TMEM267: variants seen among roughly 807,000 people sequenced by gnomAD.
The protein encoded by TMEM267 is transmembrane protein 267.
TMEM267 carries 20 observed loss-of-function variants against 19.3 expected under a neutral mutation model. That is an observed-to-expected ratio of 1.04 (90% confidence interval 0.73 to 1.51). The LOEUF (loss-of-function observed/expected upper bound fraction) is 1.51. Among genes scored for constraint, TMEM267 ranks in the 40% most tolerant of loss-of-function variants. TMEM267 has a pLI of 0.00. For missense variants in TMEM267, 242 were observed against 261.9 expected (o/e 0.92, Z 0.52); for synonymous variants, 88 against 90.3 (o/e 0.97, Z 0.15).
chr5:43,469,661 G>T (rs1217763290), intron 1 of TMEM267, among the ~76,000 whole-genome samples: 13 of 152,182 alleles, frequency 8.5e-5, no homozygotes, highest in Non-Finnish European at 2.9e-5. Flanking sequence ...ATCATACTGT[G>T]AAAGGAAAAT....
chr5:43,476,607 A>C (rs555882005), intron 1 of TMEM267, among the ~76,000 whole-genome samples: 1,788 of 149,452 alleles, frequency 0.012, 36 homozygotes, highest in African/African-American at 0.043. Flanking sequence ...AATTTTAATC[A>C]AAATCATAAA....
At chr5:43,449,652 TCCC>T (rs1382249810) in intron 2 of TMEM267, among the ~76,000 whole-genome samples, 19 of 152,132 alleles carry the variant, frequency 1.2e-4, no homozygotes, top group Non-Finnish European at 2.2e-4. Context: ...ATTGGATTTC[TCCC>T]CCCAACAAAA....
At chr5:43,475,060 A>T (rs1244089049) in intron 1 of TMEM267, among the ~76,000 whole-genome samples, 1 of 152,224 alleles carries the variant, frequency 6.6e-6, no homozygotes, top group Non-Finnish European at 1.5e-5. Flanking sequence ...TCATTCTACT[A>T]TAAAGACTCA....
intron 1 of TMEM267, among the ~76,000 whole-genome samples, chr5:43,466,374 A>C (rs995173797): frequency 5.9e-5 from 9 of 152,202 alleles, no homozygotes; most frequent in African/African-American, 1.2e-4. Context: ...AGGAAAAAAA[A>C]CTTTTATCTT....
chr5:43,482,935 G>GT (rs1744876861), intron 1 of TMEM267, among the ~76,000 whole-genome samples: 2 of 144,756 alleles, frequency 1.4e-5, no homozygotes, highest in South Asian at 4.5e-4. Flanking sequence ...CATTCTCTAA[G>GT]TAAGTGTCAT....
rs528424536 is a variant in TMEM267, at chr5:43,471,413, A to C, written c.-75+12409T>G. On this transcript the variant is annotated intron_variant, in intron 1 of 2. Transcript: ENST00000397080. ...CAATCCCTATCAAAATACTAATGAC[A>C]TTCTTCACAGAAACAGAAAAAAAAA... 2.6e-5 allele frequency among the ~76,000 whole-genome samples: 4 copies of C among 152,100 alleles called. No individual in the cohort carries two copies. The East Asian group carries it at 7.7e-4, about 29-fold the overall frequency.
chr5:43,447,538 C>G (rs978388127), intron 2 of TMEM267, among the ~76,000 whole-genome samples: 2 of 152,064 alleles, frequency 1.3e-5, no homozygotes, highest in African/African-American at 4.8e-5. Context: ...AATCCCTAAA[C>G]AAAAATAAAG....
chr5:43,464,571 G>T (rs1341976308), intron 1 of TMEM267, among the ~76,000 whole-genome samples: 2 of 152,266 alleles, frequency 1.3e-5, no homozygotes, highest in African/African-American at 2.4e-5. Context: ...CAAGGCTACA[G>T]TAACCAAAAC....
At chr5:43,480,883 A>T (rs1744720796) in intron 1 of TMEM267, among the ~76,000 whole-genome samples, 2 of 142,226 alleles carry the variant, frequency 1.4e-5, no homozygotes, top group Admixed American at 1.5e-4. Flanking sequence ...GCTCACTGCA[A>T]GCTCTGCCTC....
At chr5:43,456,920 C>T (rs1006825623) in intron 1 of TMEM267, among the ~76,000 whole-genome samples, 5 of 152,174 alleles carry the variant, frequency 3.3e-5, no homozygotes, top group African/African-American at 1.2e-4. Context: ...CTTATGTGTA[C>T]ACAAAGGCTT....
intron 1 of TMEM267, among the ~76,000 whole-genome samples, chr5:43,455,360 C>T (rs575222189): frequency 6.6e-6 from 1 of 151,696 alleles, no homozygotes; most frequent in South Asian, 2.1e-4. Flanking sequence ...GAGGTTGAGG[C>T]TGCAGTGGGC....
At chr5:43,473,622 A>T (rs1744219349) in intron 1 of TMEM267, among the ~76,000 whole-genome samples, 1 of 152,228 alleles carries the variant, frequency 6.6e-6, no homozygotes, top group Admixed American at 6.5e-5. Flanking sequence ...GACACAAACA[A>T]ATGGAAAAAC....
intron 1 of TMEM267, among the ~76,000 whole-genome samples, chr5:43,459,629 TAA>T (rs1168766324): frequency 6.6e-6 from 1 of 152,126 alleles, no homozygotes; most frequent in Non-Finnish European, 1.5e-5. Flanking sequence ...CTGAAAAGGA[TAA>T]AATATTCACA....
At chr5:43,459,475 C>T (rs1320710427) in intron 1 of TMEM267, among the ~76,000 whole-genome samples, 1 of 151,836 alleles carries the variant, frequency 6.6e-6, no homozygotes, top group Non-Finnish European at 1.5e-5. Context: ...TTGTTCAAAA[C>T]AAAACACCTC....
At chr5:43,473,322 G>A (rs1480008751) in intron 1 of TMEM267, among the ~76,000 whole-genome samples, 2 of 152,068 alleles carry the variant, frequency 1.3e-5, no homozygotes, top group South Asian at 2.1e-4. Flanking sequence ...AATTGTCTCT[G>A]TTTGCAGATG....
At chr5:43,476,508 CTTTTTTTTTTTTTTTTTTTTT>C (rs67848213) in intron 1 of TMEM267, among the ~76,000 whole-genome samples, 2 of 54,796 alleles carry the variant, frequency 3.6e-5, no homozygotes, top group Non-Finnish European at 6.3e-5. Flanking sequence ...AAAGCCAGAC[CTTTTTTTTTTTTTTTTTTTTT>C]TTTTTTTTGC....
Position 43,449,146 on chromosome 5 carries a change from C to T in TMEM267, c.313-2589G>A, listed in dbSNP as rs1200483649. On this transcript the variant is annotated intron_variant, in intron 2 of 2. Transcript: ENST00000397080. ...AATTAGCTGGGTATGGTGGTGCATGCCTGCTATTCCAGCTACTCAGGAGGC... is the reference window on the plus strand; with the variant it reads ...AATTAGCTGGGTATGGTGGTGCATGTCTGCTATTCCAGCTACTCAGGAGGC... Among the ~76,000 whole-genome samples the T allele has an allele frequency of 2.6e-5, 4 of 152,040 alleles. No homozygotes were observed. In the East Asian group the frequency reaches 5.8e-4, roughly 22 times the overall value.
At chr5:43,467,792 G>A (rs1743827443) in intron 1 of TMEM267, among the ~76,000 whole-genome samples, 1 of 152,124 alleles carries the variant, frequency 6.6e-6, no homozygotes. Context: ...TCATCCCTTT[G>A]CTCACAGAGA....
intron 1 of TMEM267, among the ~76,000 whole-genome samples, chr5:43,474,662 G>C (rs1261181255): frequency 6.6e-6 from 1 of 151,620 alleles, no homozygotes; most frequent in African/African-American, 2.4e-5. Flanking sequence ...GGGAGGATGA[G>C]GCAGGAGAAT....
Sources: gnomAD v4.1 joint callset for allele counts (sites outside exome capture counted in the v4.1 genomes callset) on GRCh38, gnomAD v4.1.1 for gene constraint, MANE v1.5 for transcripts, NCBI Gene and HGNC (gene_info 2026-07-23, HGNC 2026-07-21) for gene names.